Variants in ACVR1B observed in about 807,000 individuals in gnomAD.
ACVR1B encodes activin receptor type-1B.
In ACVR1B, 15 loss-of-function variants were observed where a neutral mutation model predicts 55.6. The observed-to-expected ratio is 0.27, with a 90% CI of 0.18 to 0.42. ACVR1B has a LOEUF of 0.42. ACVR1B is among the 10% of genes least tolerant of loss of function. The pLI is 1.00. For missense variants in ACVR1B, 359 were observed against 670.1 expected (o/e 0.54, Z 5.13); for synonymous variants, 247 against 254.6 (o/e 0.97, Z 0.28).
intron 1 of ACVR1B, chr12:51,953,406 T>C (rs1941348765): frequency 1.0e-6 from 1 of 985,452 alleles, no homozygotes; most frequent in African/African-American, 1.7e-5. Flanking sequence ...ACCTCGTGTG[T>C]GTTCTTCGGC....
intron 3 of ACVR1B, among the ~76,000 whole-genome samples, chr12:51,977,058 T>C (rs1314321820): frequency 6.6e-6 from 1 of 152,144 alleles, no homozygotes; most frequent in Non-Finnish European, 1.5e-5. Flanking sequence ...GCCCAAGGGT[T>C]TTTGGTGGGG....
intron 1 of ACVR1B, among the ~76,000 whole-genome samples, chr12:51,965,307 A>G (rs944765374): frequency 6.6e-6 from 1 of 152,196 alleles, no homozygotes; most frequent in Non-Finnish European, 1.5e-5. Flanking sequence ...GGAAACATGG[A>G]TTAATTTGGT....
At chr12:51,963,197 A>G (rs1403306440) in intron 1 of ACVR1B, among the ~76,000 whole-genome samples, 4 of 152,098 alleles carry the variant, frequency 2.6e-5, no homozygotes, top group African/African-American at 9.7e-5. Context: ...ATAATGTGCA[A>G]ACCATCACCA....
chr12:51,978,637 C>T (rs2120637221), intron 3 of ACVR1B, among the ~76,000 whole-genome samples: 1 of 151,962 alleles, frequency 6.6e-6, no homozygotes, highest in East Asian at 1.9e-4. Context: ...CCAGACCATC[C>T]TGGCTAACAT....
chr12:51,996,474 G>C lies in ACVR1B; in HGVS notation c.*2364G>C, dbSNP rs1014127121. 6.6e-6 allele frequency: 1 copy of C among 152,548 alleles called. No homozygotes were observed. The highest frequency in any genetic ancestry group is 2.4e-5 in the African/African-American group (1 of 41,386). 9.4% of individuals were successfully genotyped at this position (152,548 alleles called of 1,614,324 possible). On this transcript the variant is annotated 3_prime_UTR_variant, in exon 9 of 9. Coordinates refer to ENST00000257963, the MANE Select transcript of ACVR1B (RefSeq NM_004302.5). ...TTCGTTTAAATACCATTGTGTCATT[G>C]GGGGGACCGTCTTTACCCCTGCTGA...
At chr12:51,974,709 C>T (rs576270931) in intron 1 of ACVR1B, among the ~76,000 whole-genome samples, 18 of 152,278 alleles carry the variant, frequency 1.2e-4, no homozygotes, top group Admixed American at 1.2e-3. Context: ...GGGCACCTGA[C>T]TTGGACTTCT....
intron 1 of ACVR1B, among the ~76,000 whole-genome samples, chr12:51,974,944 G>A (rs763037733): frequency 3.3e-5 from 5 of 152,178 alleles, no homozygotes; most frequent in Admixed American, 6.5e-5. Context: ...TCTGCATGAA[G>A]TGGGGGGCAG....
chr12:51,956,206 T>A (rs943005612), intron 1 of ACVR1B, among the ~76,000 whole-genome samples: 4 of 152,234 alleles, frequency 2.6e-5, no homozygotes, highest in African/African-American at 9.6e-5. Context: ...TTTGGTTTTC[T>A]TTAGTGTCCA....
intron 1 of ACVR1B, among the ~76,000 whole-genome samples, chr12:51,968,589 G>C (rs1269749700): frequency 6.6e-6 from 1 of 152,178 alleles, no homozygotes; most frequent in African/African-American, 2.4e-5. Flanking sequence ...TTGGGTGGAG[G>C]CTTGACAGCT....
chr12:51,971,142 T>C (rs1941740218), intron 1 of ACVR1B, among the ~76,000 whole-genome samples: 2 of 151,850 alleles, frequency 1.3e-5, no homozygotes, highest in Non-Finnish European at 1.5e-5. Context: ...GAGTTCCAGC[T>C]GTGTTAGGCG....
Position 51,951,801 on chromosome 12 carries a change from G to A in ACVR1B, c.58G>A (p.Gly20Ser). ...CCCCCTTGTTGTCCTCCTGCTCGCC[G>A]GCAGCGGCGGGTCCGGGCCCCGGGG... Reference protein sequence around the residue: ...FFPLVVLLLAGSGGSGPRGVQ... With the variant: ...FFPLVVLLLASSGGSGPRGVQ... Residue 20 changes from glycine to serine, a missense_variant, in exon 1 of 9, where the codon GGC becomes AGC. Around this residue, in one of 5 missense-constraint regions of ACVR1B, gnomAD observed 48 missense variants for 40.6 expected, o/e 1.18. Coordinates refer to ENST00000257963, the MANE Select transcript of ACVR1B (RefSeq NM_004302.5). 1 of 1,283,672 alleles carries A rather than the reference G, an allele frequency of 7.8e-7. No homozygotes were observed. The highest frequency in any genetic ancestry group is 9.9e-7 in the Non-Finnish European group (1 of 1,006,564). 79.5% of individuals were successfully genotyped at this position (1,283,672 alleles called of 1,614,324 possible).
chr12:51,976,445 C>T lies in ACVR1B; in HGVS notation c.450C>T (p.Asn150=), dbSNP rs965133485. The T allele has an allele frequency of 4.3e-6, 7 of 1,614,150 alleles. No individual in the cohort carries two copies. The highest frequency in any genetic ancestry group is 5.1e-6 in the Non-Finnish European group (6 of 1,180,032). ...LIIIIVFLVI[N]YHQRVYHNRQ... ...TCATCATTGTTTTCCTTGTCATTAACTATCATCAGCGTGTCTATCACAACC... is the reference window on the plus strand; with the variant it reads ...TCATCATTGTTTTCCTTGTCATTAATTATCATCAGCGTGTCTATCACAACC... The change falls in exon 3 of 9, where the codon AAC becomes AAT. Residue 150 remains asparagine (N), a synonymous_variant. Transcript: ENST00000257963.
chr12:51,992,156 A>C (rs1018202309), intron 8 of ACVR1B, 163 bp downstream of exon 8: 1 of 906,834 alleles, frequency 1.1e-6, no homozygotes, highest in East Asian at 2.6e-5. Context: ...TTAGGGCTAC[A>C]GTCTCTTGTC....
chr12:51,986,319 C>G (rs1032785492), intron 6 of ACVR1B, among the ~76,000 whole-genome samples: 1 of 152,248 alleles, frequency 6.6e-6, no homozygotes, highest in African/African-American at 2.4e-5. Flanking sequence ...AGTGCAATGG[C>G]ACAGTCATGG....
chr12:51,972,110 T>G (rs1941756083), intron 1 of ACVR1B, among the ~76,000 whole-genome samples: 1 of 152,196 alleles, frequency 6.6e-6, no homozygotes, highest in South Asian at 2.1e-4. Flanking sequence ...TGTTAAGTAC[T>G]TTAAAAAATA....
chr12:51,976,407 C>T lies in ACVR1B; in HGVS notation c.412C>T (p.Leu138=), dbSNP rs2120613537. The T allele has an allele frequency of 6.2e-7, 1 of 1,614,184 alleles. No homozygotes were observed. Among genetic ancestry groups the T allele is most frequent in the Non-Finnish European group, 8.5e-7 (1 of 1,180,044 alleles). Residue 138 remains leucine (L), a synonymous_variant, in exon 3 of 9, where the codon CTG becomes TTG. Coordinates refer to ENST00000257963, the MANE Select transcript of ACVR1B (RefSeq NM_004302.5). ...CATCATCGCCGGCCCGGTGTTCCTC[C>T]TGTTCCTCATCATCATCATTGTTTT... is the stretch of plus-strand genomic sequence containing the variant. ...VGIIAGPVFL[L]FLIIIIVFLV...
intron 1 of ACVR1B, among the ~76,000 whole-genome samples, chr12:51,962,997 G>A (rs940085918): frequency 6.6e-6 from 1 of 152,074 alleles, no homozygotes; most frequent in Non-Finnish European, 1.5e-5. Flanking sequence ...ACGGTGGAGA[G>A]TCTAGAGATT....
intron 1 of ACVR1B, among the ~76,000 whole-genome samples, chr12:51,954,645 G>C (rs1941374708): frequency 6.6e-6 from 1 of 152,232 alleles, no homozygotes; most frequent in South Asian, 2.1e-4. Context: ...CAGATGGAGG[G>C]AGGAGGCTGG....
chr12:51,975,401 C>T lies in ACVR1B; in HGVS notation c.228C>T (p.Val76=), dbSNP rs528922488. 1 of 1,614,134 alleles carries T rather than the reference C, an allele frequency of 6.2e-7. No individual in the cohort carries two copies. The highest frequency in any genetic ancestry group is 1.3e-5 in the African/African-American group (1 of 75,008). ...CCTGCATCCCCAAAGTGGAGCTGGT[C>T]CCTGCCGGGAAGCCCTTCTACTGCC... ...VRTCIPKVEL[V]PAGKPFYCLS... Residue 76 remains valine, a synonymous_variant, in exon 2 of 9, where the codon GTC becomes GTT. Transcript: ENST00000257963.
Sources: allele counts gnomAD v4.1 joint callset (sites outside exome capture counted in the v4.1 genomes callset), GRCh38; gene constraint gnomAD v4.1.1; regional missense constraint gnomAD v4.1.1; transcripts MANE v1.5; gene names NCBI Gene and HGNC (gene_info 2026-07-23, HGNC 2026-07-21).